The following EIPR1 variants were observed in gnomAD, a reference collection of about 807,000 sequenced individuals.
EIPR1 encodes the protein EARP and GARP complex-interacting protein 1.
Under a neutral mutation model 48.1 loss-of-function variants are expected in EIPR1, and 25 were observed. The ratio of observed to expected loss-of-function variants is 0.52; its 90% CI spans 0.38 to 0.73. The LOEUF is 0.73. Ranked by LOEUF, EIPR1 falls within the 30% of genes least tolerant of loss-of-function variation. The pLI is 0.00. For synonymous variants in EIPR1, 204 were observed against 201.9 expected (o/e 1.01, Z -0.09); for missense variants, 415 against 506.2 (o/e 0.82, Z 1.73).
chr2:3,291,239 A>G (rs1324948141), intron 3 of EIPR1, among the ~76,000 whole-genome samples: 1 of 152,226 alleles, frequency 6.6e-6, no homozygotes, highest in African/African-American at 2.4e-5. Flanking sequence ...TTCTGTTGTA[A>G]TTAGGACACA....
intron 3 of EIPR1, among the ~76,000 whole-genome samples, chr2:3,325,453 G>A (rs893684544): frequency 3.3e-5 from 5 of 152,158 alleles, no homozygotes; most frequent in African/African-American, 9.7e-5. Flanking sequence ...ACAGTGAAGC[G>A]GTGACAGGAA....
At chr2:3,232,511 T>C (rs1268509843) in intron 4 of EIPR1, among the ~76,000 whole-genome samples, 1 of 152,232 alleles carries the variant, frequency 6.6e-6, no homozygotes, top group East Asian at 1.9e-4. Context: ...TCCATTTTCA[T>C]TTGCCTTAAG....
chr2:3,244,314 G>A (rs1408134509), intron 4 of EIPR1, among the ~76,000 whole-genome samples: 1 of 152,054 alleles, frequency 6.6e-6, no homozygotes, highest in Non-Finnish European at 1.5e-5. Flanking sequence ...ATTAAACATA[G>A]AAGAAAAGTC....
intron 1 of EIPR1, among the ~76,000 whole-genome samples, chr2:3,372,647 C>T (rs1309460929): frequency 6.6e-6 from 1 of 152,146 alleles, no homozygotes. Context: ...GGATAAATTC[C>T]TCAACACATA....
intron 4 of EIPR1, among the ~76,000 whole-genome samples, chr2:3,223,476 A>G (rs1339212956): frequency 3.3e-5 from 5 of 152,224 alleles, no homozygotes. Flanking sequence ...AGGAGGGAAG[A>G]ATTCATCCCG....
At chr2:3,211,457 T>C (rs1451406102) in intron 5 of EIPR1, among the ~76,000 whole-genome samples, 1 of 152,204 alleles carries the variant, frequency 6.6e-6, no homozygotes, top group Non-Finnish European at 1.5e-5. Flanking sequence ...CACTGCTCTC[T>C]TGGTCCCCAA....
At chr2:3,205,442 T>C (rs570079053) in intron 5 of EIPR1, among the ~76,000 whole-genome samples, 1 of 152,212 alleles carries the variant, frequency 6.6e-6, no homozygotes, top group Non-Finnish European at 1.5e-5. Context: ...CTTGCAGTCA[T>C]GAAGGCAGAA....
chr2:3,275,638 T>C (rs545055181), intron 3 of EIPR1, among the ~76,000 whole-genome samples: 2 of 152,236 alleles, frequency 1.3e-5, no homozygotes, highest in African/African-American at 4.8e-5. Flanking sequence ...ACATCCCCCT[T>C]TTATGGAAAA....
chr2:3,323,101 A>AT (rs1669585861), intron 3 of EIPR1, among the ~76,000 whole-genome samples: 4 of 123,748 alleles, frequency 3.2e-5, no homozygotes, highest in South Asian at 2.8e-4. Context: ...CCTCTCTCTG[A>AT]TTTTTTCTTT....
At chr2:3,337,655 G>T (rs1298177011) in intron 3 of EIPR1, among the ~76,000 whole-genome samples, 1 of 152,106 alleles carries the variant, frequency 6.6e-6, no homozygotes, top group Non-Finnish European at 1.5e-5. Context: ...AAAGAGCACT[G>T]GAAGACAGTC....
At chr2:3,344,649 T>G (rs1461378530) in intron 2 of EIPR1, among the ~76,000 whole-genome samples, 1 of 137,782 alleles carries the variant, frequency 7.3e-6, no homozygotes, top group Non-Finnish European at 1.6e-5. Context: ...TTTTTTTTTT[T>G]TTTTTTTTTT....
In EIPR1 at chr2:3,192,445, T is replaced by C; in HGVS notation, c.958A>G (p.Ser320Gly). 1.2e-6 allele frequency: 2 copies of C among 1,612,648 alleles called. No individual in the cohort carries two copies. Among genetic ancestry groups the C allele is most frequent in the Admixed American group, 3.3e-5 (2 of 59,882 alleles). ...FGHLVDDDDI[S>G]DQEDHRSEEK... is the part of the protein sequence containing the mutation. ...TCAGAACGGTGGTCCTCCTGGTCAC[T>C]GATGTCATCGTCGTCTACCAAGTGG... Residue 320 changes from serine (S) to glycine (G), a missense_variant, in exon 8 of 9, where the codon AGT (serine) becomes GGT (glycine). Ser to Gly is a moderately conservative substitution (Grantham distance 56). Coordinates refer to ENST00000382125, the MANE Select transcript of EIPR1 (RefSeq NM_003310.5).
At chr2:3,202,075 C>T (rs1439193599) in intron 5 of EIPR1, among the ~76,000 whole-genome samples, 1 of 151,784 alleles carries the variant, frequency 6.6e-6, no homozygotes, top group Admixed American at 6.6e-5. Context: ...GTAGCTGGGA[C>T]TACAGGCGCC....
chr2:3,307,865 G>T (rs926683433), intron 3 of EIPR1, among the ~76,000 whole-genome samples: 2 of 152,182 alleles, frequency 1.3e-5, no homozygotes, highest in South Asian at 4.1e-4. Flanking sequence ...ACAAAGGAAA[G>T]ATATGTTAGC....
chr2:3,280,712 C>T (rs1463677927), intron 3 of EIPR1, among the ~76,000 whole-genome samples: 3 of 152,184 alleles, frequency 2.0e-5, no homozygotes, highest in African/African-American at 4.8e-5. Flanking sequence ...ACTGGCATGG[C>T]TTCCACAATA....
At chr2:3,236,725 ACT>A (rs1666416162) in intron 4 of EIPR1, among the ~76,000 whole-genome samples, 1 of 151,770 alleles carries the variant, frequency 6.6e-6, no homozygotes, top group Admixed American at 6.6e-5. Flanking sequence ...CTAGGAGGTG[ACT>A]CCTACGCTCT....
At chr2:3,295,231 CCACACA>C (rs1668516606) in intron 3 of EIPR1, among the ~76,000 whole-genome samples, 1 of 129,056 alleles carries the variant, frequency 7.7e-6, no homozygotes, top group Non-Finnish European at 1.6e-5. Flanking sequence ...CGTCCTCTCT[CCACACA>C]TACACCCTCC....
At position 3,243,483 on chromosome 2, in the gene EIPR1, T is replaced by G. The variant is rs770807722; in HGVS notation, c.416+13816A>C. Among the ~76,000 whole-genome samples the G allele has an allele frequency of 7.9e-5, 12 of 151,882 alleles. No individual in the cohort carries two copies. In the South Asian group the frequency reaches 2.1e-3, roughly 26 times the overall value. ...CATCTCTACTAAAAAATACAAAAAT[T>G]AGCTGAGTGTGATGGCCCACGCCTG... is the stretch of plus-strand genomic sequence containing the variant. On this transcript the variant is annotated intron_variant, in intron 4 of 8. Transcript: ENST00000382125.
intron 3 of EIPR1, 183 bp from the exon 4 acceptor site, chr2:3,257,638 G>A (rs192893647): frequency 2.6e-4 from 147 of 556,012 alleles, no homozygotes; most frequent in Middle Eastern, 2.5e-3. Context: ...GGCAGAACCC[G>A]GCACGGTTCG....
Sources: gnomAD v4.1 joint callset for allele counts (sites outside exome capture counted in the v4.1 genomes callset) on GRCh38, gnomAD v4.1.1 for gene constraint, MANE v1.5 for transcripts, NCBI Gene and HGNC (gene_info 2026-07-23, HGNC 2026-07-21) for gene names.